TSHZ2: variants seen among roughly 807,000 people sequenced by gnomAD.
TSHZ2 encodes teashirt homolog 2.
In TSHZ2, 21 loss-of-function variants were observed where a neutral mutation model predicts 74.4. The ratio of observed to expected loss-of-function variants is 0.28; its 90% CI spans 0.20 to 0.41. The LOEUF (loss-of-function observed/expected upper bound fraction) is 0.41, where lower values mean the gene tolerates loss of function less well. TSHZ2 is among the 10% of genes least tolerant of loss of function. The pLI is 1.00. For synonymous variants in TSHZ2, 540 were observed against 515.3 expected (o/e 1.05, Z -0.65); for missense variants, 1,244 against 1,293.5 (o/e 0.96, Z 0.59).
chr20:52,979,598 G>A (rs564854640), intron 1 of TSHZ2, among the ~76,000 whole-genome samples: 1 of 152,272 alleles, frequency 6.6e-6, no homozygotes, highest in Admixed American at 6.5e-5. Flanking sequence ...CAAACTCCAT[G>A]AATGAAATGA....
At chr20:53,086,599 CA>C (rs1985706893) in intron 1 of TSHZ2, among the ~76,000 whole-genome samples, 1 of 152,130 alleles carries the variant, frequency 6.6e-6, no homozygotes. Context: ...GGGCAAATAA[CA>C]ACCTCTCCCT....
chr20:53,365,359 G>T (rs1025601975), intron 2 of TSHZ2, among the ~76,000 whole-genome samples: 4 of 152,156 alleles, frequency 2.6e-5, no homozygotes, highest in Admixed American at 1.3e-4. Context: ...GGTCGGGGGA[G>T]GCTCTAGCTT....
In TSHZ2 at chr20:53,489,199, A is replaced by C. The variant is rs941642581; in HGVS notation, c.*2064A>C. ...ATAGCGGCTCAAATGTAGTTCTGAC[A>C]TGAAAAGCAAGGTGCTGATATTATT... On this transcript the variant is annotated 3_prime_UTR_variant, in exon 3 of 3. Coordinates refer to ENST00000371497, the MANE Select transcript of TSHZ2 (RefSeq NM_173485.6). The C allele has an allele frequency of 2.2e-6, 1 of 456,256 alleles. No homozygotes were observed. The highest frequency in any genetic ancestry group is 2.3e-5 in the Admixed American group (1 of 42,584). The allele number at this position is 456,256 out of a possible 1,614,324, so 28.3% of individuals were successfully genotyped here. A position where few individuals can be genotyped will look rare whatever the true frequency, so the allele number is the denominator to read the frequency against.
At chr20:53,323,860 G>A (rs1174118217) in intron 2 of TSHZ2, among the ~76,000 whole-genome samples, 1 of 151,964 alleles carries the variant, frequency 6.6e-6, no homozygotes, top group East Asian at 1.9e-4. Context: ...TTATAGGCCT[G>A]AGCCACCATG....
chr20:53,463,433 A>G (rs200430307), intron 2 of TSHZ2, among the ~76,000 whole-genome samples: 2,407 of 92,646 alleles, frequency 0.026, 68 homozygotes, highest in South Asian at 0.11. Context: ...GAAGGAAGGA[A>G]GGAGGGAGGG....
chr20:53,012,864 G>A (rs1366819504), intron 1 of TSHZ2, among the ~76,000 whole-genome samples: 1 of 152,078 alleles, frequency 6.6e-6, no homozygotes, highest in African/African-American at 2.4e-5. Flanking sequence ...TTCCACAACA[G>A]TGGATCCCAC....
intron 1 of TSHZ2, among the ~76,000 whole-genome samples, chr20:53,191,286 T>C (rs1988731902): frequency 6.6e-6 from 1 of 152,212 alleles, no homozygotes; most frequent in Non-Finnish European, 1.5e-5. Flanking sequence ...TTATGAGTTT[T>C]CATGGTCAGC....
rs759783410 is a variant in TSHZ2 at position 52,973,248 on chromosome 20, G to T, written c.-46G>T. ...AGAGAGACAGCGGGCCCCAGCGCGC[G>T]GCTCGGGGCTGGGGCGCCAGAAGTG... On this transcript the variant is annotated 5_prime_UTR_variant, in exon 1 of 3. Coordinates refer to ENST00000371497, the MANE Select transcript of TSHZ2 (RefSeq NM_173485.6). The T allele has an allele frequency of 2.6e-6, 4 of 1,551,218 alleles. No individual in the cohort carries two copies. The highest frequency in any genetic ancestry group is 3.5e-6 in the Non-Finnish European group (4 of 1,146,686).
intron 1 of TSHZ2, among the ~76,000 whole-genome samples, chr20:53,048,501 C>T (rs528628954): frequency 1.8e-4 from 27 of 152,318 alleles, no homozygotes; most frequent in African/African-American, 6.3e-4. Flanking sequence ...TGCAATCCAT[C>T]ATCAGAGCCA....
At chr20:53,478,744 C>T (rs967663420) in intron 2 of TSHZ2, among the ~76,000 whole-genome samples, 4 of 151,852 alleles carry the variant, frequency 2.6e-5, no homozygotes, top group Non-Finnish European at 5.9e-5. Flanking sequence ...AGAGGTCCTC[C>T]GCCTTTGCAG....
chr20:53,264,454 C>T (rs1299675652), intron 2 of TSHZ2, among the ~76,000 whole-genome samples: 1 of 152,162 alleles, frequency 6.6e-6, no homozygotes, highest in Admixed American at 6.5e-5. Context: ...AGCATGGTGC[C>T]TTTAAAGTGC....
At chr20:53,446,998 T>TTTTTACACAA (rs1197723261) in intron 2 of TSHZ2, among the ~76,000 whole-genome samples, 1 of 152,094 alleles carries the variant, frequency 6.6e-6, no homozygotes, top group Non-Finnish European at 1.5e-5. Flanking sequence ...AACTTACACA[T>TTTTTACACAA]TTTTTTTCTT....
intron 1 of TSHZ2, among the ~76,000 whole-genome samples, chr20:53,163,126 A>G (rs1205894291): frequency 1.3e-5 from 2 of 152,122 alleles, no homozygotes; most frequent in Non-Finnish European, 2.9e-5. Context: ...TATTGTTTCA[A>G]ATGATGTGAC....
At chr20:53,116,359 C>A (rs1986666040) in intron 1 of TSHZ2, among the ~76,000 whole-genome samples, 1 of 152,154 alleles carries the variant, frequency 6.6e-6, no homozygotes, top group Non-Finnish European at 1.5e-5. Flanking sequence ...TTTTGCAATG[C>A]AAATCTCTGT....
intron 1 of TSHZ2, among the ~76,000 whole-genome samples, chr20:53,220,194 A>G (rs932842418): frequency 6.6e-6 from 1 of 152,222 alleles, no homozygotes; most frequent in Non-Finnish European, 1.5e-5. Flanking sequence ...GAAGGAACAG[A>G]TTTTAAACTT....
chr20:53,028,750 G>C (rs961578626), intron 1 of TSHZ2, among the ~76,000 whole-genome samples: 1 of 152,130 alleles, frequency 6.6e-6, no homozygotes, highest in Non-Finnish European at 1.5e-5. Context: ...GGAAGGACTT[G>C]GTGGTGAGTG....
chr20:53,434,814 G>A (rs1983984943), intron 2 of TSHZ2, among the ~76,000 whole-genome samples: 1 of 152,244 alleles, frequency 6.6e-6, no homozygotes, highest in African/African-American at 2.4e-5. Context: ...AAGGACTTCA[G>A]TTGTTTGCAA....
At chr20:53,052,891 T>C (rs1984521292) in intron 1 of TSHZ2, among the ~76,000 whole-genome samples, 2 of 152,370 alleles carry the variant, frequency 1.3e-5, no homozygotes, top group South Asian at 2.1e-4. Flanking sequence ...ATACAATTCA[T>C]ATACCATAAA....
intron 1 of TSHZ2, among the ~76,000 whole-genome samples, chr20:53,032,364 A>T (rs1198590988): frequency 1.3e-5 from 2 of 152,214 alleles, no homozygotes; most frequent in Non-Finnish European, 2.9e-5. Flanking sequence ...GAGCATATGT[A>T]CCCAATTTTC....
Sources: allele counts gnomAD v4.1 joint callset (sites outside exome capture counted in the v4.1 genomes callset), GRCh38; gene constraint gnomAD v4.1.1; transcripts MANE v1.5; gene names NCBI Gene and HGNC (gene_info 2026-07-23, HGNC 2026-07-21).